The following KDM4C variants were observed in gnomAD, a reference collection of about 807,000 sequenced individuals.
KDM4C encodes the protein lysine-specific demethylase 4C.
Under a neutral mutation model 129.3 loss-of-function variants are expected in KDM4C, and 81 were observed. The observed-to-expected ratio is 0.63, with a 90% CI of 0.52 to 0.75. The LOEUF (loss-of-function observed/expected upper bound fraction) is 0.75. KDM4C is among the 30% of genes least tolerant of loss of function. The pLI, the probability that KDM4C is intolerant of heterozygous loss-of-function variation, is 0.00. For synonymous variants in KDM4C, 573 were observed against 456.1 expected (o/e 1.26, Z -3.26); for missense variants, 1,457 against 1,304.0 (o/e 1.12, Z -1.81).
intron 19 of KDM4C, among the ~76,000 whole-genome samples, chr9:7,151,475 CTATGTTGCT>C (rs892494043): frequency 3.9e-5 from 6 of 152,060 alleles, no homozygotes; most frequent in Admixed American, 3.9e-4. Flanking sequence ...TTGTGCCCAG[CTATGTTGCT>C]GGGCAACATA....
At chr9:6,765,823 C>T (rs971583164) in intron 1 of KDM4C, among the ~76,000 whole-genome samples, 3 of 152,304 alleles carry the variant, frequency 2.0e-5, no homozygotes. Context: ...GAGTCTTTCT[C>T]TGTCACCCAG....
At chr9:6,883,074 C>T (rs1189501931) in intron 6 of KDM4C, among the ~76,000 whole-genome samples, 2 of 152,110 alleles carry the variant, frequency 1.3e-5, no homozygotes, top group Non-Finnish European at 2.9e-5. Context: ...CCACTGCTGT[C>T]AAGAGAATAG....
intron 1 of KDM4C, among the ~76,000 whole-genome samples, chr9:6,751,385 G>T (rs1271274164): frequency 6.6e-6 from 1 of 152,132 alleles, no homozygotes; most frequent in African/African-American, 2.4e-5. Context: ...GGTGGAGGTT[G>T]CAGTGAGCCA....
At chr9:6,974,483 G>C (rs73397846) in intron 8 of KDM4C, among the ~76,000 whole-genome samples, 1 of 152,120 alleles carries the variant, frequency 6.6e-6, no homozygotes, top group Non-Finnish European at 1.5e-5. Context: ...CCTGTTTCCC[G>C]AGTAGCTGAG....
intron 19 of KDM4C, among the ~76,000 whole-genome samples, chr9:7,155,301 A>G (rs540445331): frequency 6.6e-6 from 1 of 152,214 alleles, no homozygotes; most frequent in Admixed American, 6.5e-5. Flanking sequence ...CATAAATTAA[A>G]TCCCTTCATT....
intron 8 of KDM4C, among the ~76,000 whole-genome samples, chr9:6,934,557 C>G (rs1218682241): frequency 6.0e-5 from 9 of 150,358 alleles, no homozygotes; most frequent in African/African-American, 1.2e-4. Context: ...GAGATGGAGT[C>G]TCGCTCTGTC....
At chr9:6,883,482 AT>A (rs1196348772) in intron 6 of KDM4C, among the ~76,000 whole-genome samples, 8 of 152,306 alleles carry the variant, frequency 5.3e-5, no homozygotes, top group African/African-American at 1.9e-4. Context: ...GGTAAACTTA[AT>A]TTCTTAACAA....
At chr9:6,918,629 C>T (rs1490483458) in intron 8 of KDM4C, among the ~76,000 whole-genome samples, 1 of 152,158 alleles carries the variant, frequency 6.6e-6, no homozygotes, top group African/African-American at 2.4e-5. Flanking sequence ...TAATTTACAT[C>T]CCTACCAGCA....
chr9:7,028,329 A>G (rs1587031334), intron 15 of KDM4C, among the ~76,000 whole-genome samples: 1 of 151,832 alleles, frequency 6.6e-6, no homozygotes, highest in South Asian at 2.1e-4. Context: ...TACTGGGTCC[A>G]TTGTTTCAAG....
intron 2 of KDM4C, among the ~76,000 whole-genome samples, chr9:6,793,995 C>T (rs1383512477): frequency 6.6e-6 from 1 of 152,116 alleles, no homozygotes; most frequent in East Asian, 1.9e-4. Context: ...TTTTCATCAT[C>T]CCCCAAAGAA....
intron 8 of KDM4C, among the ~76,000 whole-genome samples, chr9:6,979,678 A>G (rs1816425961): frequency 1.3e-5 from 2 of 152,188 alleles, no homozygotes; most frequent in African/African-American, 4.8e-5. Context: ...ATAACGATGG[A>G]TTATTGTTAG....
At chr9:7,133,565 A>G (rs1536783) in intron 19 of KDM4C, among the ~76,000 whole-genome samples, 117,571 of 152,142 alleles carry the variant, frequency 0.77, 45,794 homozygotes, top group East Asian at 0.83. Flanking sequence ...GCTCCTCAAA[A>G]TACACGGTGA....
intron 19 of KDM4C, among the ~76,000 whole-genome samples, chr9:7,149,898 C>A (rs148328387): frequency 6.6e-6 from 1 of 152,180 alleles, no homozygotes; most frequent in Non-Finnish European, 1.5e-5. Context: ...AAGCTTTACA[C>A]GTATAAATTC....
chr9:7,043,873 G>T (rs1264207583), intron 15 of KDM4C, among the ~76,000 whole-genome samples: 4 of 152,082 alleles, frequency 2.6e-5, no homozygotes, highest in African/African-American at 9.6e-5. Context: ...GTCCCAGTAT[G>T]TGAAAATGGT....
chr9:6,940,027 T>TTCCTTCCCTCCTTCCC (rs1825626823), intron 8 of KDM4C, among the ~76,000 whole-genome samples: 1 of 133,130 alleles, frequency 7.5e-6, no homozygotes, highest in South Asian at 2.6e-4. Context: ...CCTTCCTTCC[T>TTCCTTCCCTCCTTCCC]TCCTTCTTTC....
intron 8 of KDM4C, among the ~76,000 whole-genome samples, chr9:6,918,456 A>G (rs1469941127): frequency 1.3e-5 from 2 of 152,086 alleles, no homozygotes; most frequent in East Asian, 3.9e-4. Context: ...TGTTTTTGCT[A>G]TTGTGAATAG....
intron 1 of KDM4C, among the ~76,000 whole-genome samples, chr9:6,787,997 A>G (rs1227175874): frequency 4.6e-5 from 7 of 152,154 alleles, no homozygotes; most frequent in Non-Finnish European, 1.0e-4. Context: ...TTCCAGCCAC[A>G]CGCATCTCTT....
chr9:6,785,911 C>CGTG (rs1341573401), intron 1 of KDM4C, among the ~76,000 whole-genome samples: 3 of 152,158 alleles, frequency 2.0e-5, no homozygotes, highest in Non-Finnish European at 4.4e-5. Context: ...GGCCAGACTC[C>CGTG]ATCACCTCAG....
Position 6,978,926 on chromosome 9 carries a change from G to A in KDM4C, c.922-1999G>A, listed in dbSNP as rs534084690. 7 of 149,960 alleles carry A rather than the reference G, an allele frequency of 4.7e-5. No individual in the cohort carries two copies. The South Asian group carries it at 1.3e-3, about 29-fold the overall frequency. 9.3% of individuals were successfully genotyped at this position (149,960 alleles called of 1,614,324 possible). ...ATAGCATCATCTGAGCAAACAAGAT[G>A]AATATTAATAAGGTCAAAGGTTTTT... On this transcript the variant is annotated intron_variant, in intron 8 of 21. Coordinates refer to ENST00000381309, the MANE Select transcript of KDM4C (RefSeq NM_015061.6).
Sources: allele counts gnomAD v4.1 joint callset (sites outside exome capture counted in the v4.1 genomes callset), GRCh38; gene constraint gnomAD v4.1.1; transcripts MANE v1.5; gene names NCBI Gene and HGNC (gene_info 2026-07-23, HGNC 2026-07-21).